The following MAST4 variants were observed in gnomAD, a reference collection of about 807,000 sequenced individuals.
The protein encoded by MAST4 is microtubule associated serine/threonine kinase family member 4.
In MAST4, 89 loss-of-function variants were observed where a neutral mutation model predicts 162.7. The observed-to-expected ratio is 0.55, with a 90% confidence interval of 0.46 to 0.65. MAST4 has a LOEUF of 0.65. MAST4 is among the 30% of genes least tolerant of loss of function. MAST4 has a pLI of 0.00. For synonymous variants in MAST4, 1,479 were observed against 1,361.1 expected (o/e 1.09, Z -1.91); for missense variants, 3,153 against 3,374.0 (o/e 0.93, Z 1.62).
intron 14 of MAST4, among the ~76,000 whole-genome samples, chr5:67,126,583 GTTCT>G (rs1457866925): frequency 1.6e-4 from 25 of 152,138 alleles, no homozygotes; most frequent in Non-Finnish European, 2.5e-4. Flanking sequence ...TGAGCCCTCC[GTTCT>G]GTTCTATTGG....
chr5:66,897,646 C>T (rs1461983693), intron 3 of MAST4, among the ~76,000 whole-genome samples: 1 of 152,204 alleles, frequency 6.6e-6, no homozygotes, highest in Non-Finnish European at 1.5e-5. Flanking sequence ...TGGATTAGCT[C>T]CTACAGCTTG....
chr5:66,850,943 TTTGAAGAAAAAAA>T (rs751555197), intron 3 of MAST4, among the ~76,000 whole-genome samples: 5,141 of 150,994 alleles, frequency 0.034, 114 homozygotes, highest in South Asian at 0.11. Context: ...TTTTTTTTTT[TTTGAAGAAAAAAA>T]TGCATACATT....
At chr5:66,874,393 A>C (rs546815673) in intron 3 of MAST4, among the ~76,000 whole-genome samples, 22 of 152,216 alleles carry the variant, frequency 1.4e-4, no homozygotes, top group Non-Finnish European at 1.3e-4. Flanking sequence ...ACAGAGGATT[A>C]GTTTTCAAAT....
At chr5:66,780,199 C>T (rs941509393) in intron 2 of MAST4, among the ~76,000 whole-genome samples, 1 of 152,122 alleles carries the variant, frequency 6.6e-6, no homozygotes, top group Non-Finnish European at 1.5e-5. Flanking sequence ...AACTTTGTAC[C>T]CATTAAACAG....
chr5:66,954,831 A>C (rs1466585143), intron 4 of MAST4, among the ~76,000 whole-genome samples: 2 of 151,272 alleles, frequency 1.3e-5, no homozygotes, highest in African/African-American at 4.9e-5. Flanking sequence ...AACCCTGGAG[A>C]TGGAGGTTGC....
At chr5:66,767,531 T>G (rs563143210) in intron 2 of MAST4, among the ~76,000 whole-genome samples, 1 of 152,046 alleles carries the variant, frequency 6.6e-6, no homozygotes, top group Non-Finnish European at 1.5e-5. Context: ...GATGGGACAA[T>G]GTAGTCACTG....
At chr5:66,837,896 T>TATATATATATATATATATATA (rs1580596132) in intron 3 of MAST4, among the ~76,000 whole-genome samples, 1 of 16,454 alleles carries the variant, frequency 6.1e-5, no homozygotes, top group African/African-American at 1.8e-4. Flanking sequence ...ATATATATAT[T>TATATATATATATATATATATA]TTTTTTTTTT....
intron 1 of MAST4, among the ~76,000 whole-genome samples, chr5:66,632,647 G>C (rs1439810439): frequency 6.6e-6 from 1 of 152,124 alleles, no homozygotes; most frequent in Non-Finnish European, 1.5e-5. Context: ...TTGATAAAGT[G>C]AGCTCTCTCT....
intron 5 of MAST4, among the ~76,000 whole-genome samples, chr5:67,055,454 T>A (rs938192168): frequency 1.3e-5 from 2 of 152,202 alleles, no homozygotes; most frequent in African/African-American, 4.8e-5. Context: ...GGGCTACCAC[T>A]CTCACCCAGA....
At position 67,066,825 on chromosome 5, in the gene MAST4, C is replaced by T. The variant is rs2150631732; in HGVS notation, c.763+12333C>T. 2.0e-5 allele frequency among the ~76,000 whole-genome samples: 3 copies of T among 152,192 alleles called. 1 individual carries two copies. The highest frequency in any genetic ancestry group is 2.0e-4 in the Admixed American group (3 of 15,292). The stretch of plus-strand genomic sequence containing the variant: ...TTTCCTTACTTAGATTTTTGAGGCC[C>T]TAGAAGCCAGAGATTGTATCCACAG... On this transcript the variant is annotated intron_variant, in intron 5 of 28. Coordinates refer to ENST00000403625, the MANE Select transcript of MAST4 (RefSeq NM_001164664.2).
At position 66,910,741 on chromosome 5, in the gene MAST4, C is replaced by CTTTGTTTTTTTTT. The variant is rs1763690763; in HGVS notation, c.674+10762_674+10763insGTTTTTTTTTTTT. ...GAATACACATGTGGTTTTTTTTTTT[C>CTTTGTTTTTTTTT]TTTTTTTTTTTTTCTTTTTTTTTTT... On this transcript the variant is annotated intron_variant, in intron 4 of 28. Coordinates refer to ENST00000403625, the MANE Select transcript of MAST4 (RefSeq NM_001164664.2). Among the ~76,000 whole-genome samples, 135 of 20,090 alleles carry CTTTGTTTTTTTTT rather than the reference C, an allele frequency of 6.7e-3. 2 individuals carry two copies. The highest frequency in any genetic ancestry group is 0.038 in the Middle Eastern group (1 of 26). The allele number at this position is 20,090 out of a possible 152,430, so 13.2% of individuals were successfully genotyped here.
At chr5:66,629,427 C>T (rs1255849268) in intron 1 of MAST4, among the ~76,000 whole-genome samples, 1 of 152,174 alleles carries the variant, frequency 6.6e-6, no homozygotes, top group Non-Finnish European at 1.5e-5. Context: ...AAGCCTTTTT[C>T]TTTCCATTCC....
intron 3 of MAST4, among the ~76,000 whole-genome samples, chr5:66,873,121 G>T (rs1435733225): frequency 6.6e-6 from 1 of 152,194 alleles, no homozygotes; most frequent in Admixed American, 6.5e-5. Flanking sequence ...GAAGATGTCT[G>T]TTGCCTTAAT....
At chr5:66,825,930 C>T (rs1230436919) in intron 3 of MAST4, among the ~76,000 whole-genome samples, 3 of 152,052 alleles carry the variant, frequency 2.0e-5, no homozygotes, top group Non-Finnish European at 4.4e-5. Flanking sequence ...TATAAAATCA[C>T]AGGAAAAATG....
chr5:66,986,532 C>G (rs770158088), intron 4 of MAST4: 1 of 1,493,646 alleles, frequency 6.7e-7, no homozygotes, highest in Non-Finnish European at 9.0e-7. Context: ...CATATTGTTT[C>G]CTTTCCAGTA....
chr5:67,061,980 G>A (rs999852407), intron 5 of MAST4, among the ~76,000 whole-genome samples: 5 of 152,148 alleles, frequency 3.3e-5, no homozygotes, highest in Admixed American at 1.3e-4. Flanking sequence ...GGTATTTGTG[G>A]TACCATCAGA....
chr5:66,910,961 T>C (rs1161727413), intron 4 of MAST4, among the ~76,000 whole-genome samples: 1 of 152,192 alleles, frequency 6.6e-6, no homozygotes, highest in Non-Finnish European at 1.5e-5. Flanking sequence ...TTGGCCAGGA[T>C]GGTCTCAATC....
intron 3 of MAST4, among the ~76,000 whole-genome samples, chr5:66,821,293 A>G (rs1756982009): frequency 6.6e-6 from 1 of 152,266 alleles, no homozygotes; most frequent in African/African-American, 2.4e-5. Flanking sequence ...AGAAAAAGAC[A>G]TATACAGTAC....
At chr5:66,913,149 G>C (rs187550254) in intron 4 of MAST4, among the ~76,000 whole-genome samples, 80 of 152,266 alleles carry the variant, frequency 5.3e-4, no homozygotes, top group African/African-American at 1.9e-3. Flanking sequence ...ACAATAAACT[G>C]TACATAATTT....
Sources: gnomAD v4.1 joint callset for allele counts (sites outside exome capture counted in the v4.1 genomes callset) on GRCh38, gnomAD v4.1.1 for gene constraint, MANE v1.5 for transcripts, NCBI Gene and HGNC (gene_info 2026-07-23, HGNC 2026-07-21) for gene names.